DOCK1: variants seen among roughly 807,000 people sequenced by gnomAD.
DOCK1 encodes dedicator of cytokinesis 1.
DOCK1 carries 138 observed loss-of-function variants against 262.7 expected under a neutral mutation model. The ratio of observed to expected loss-of-function variants is 0.53; its 90% CI spans 0.46 to 0.61. The LOEUF is 0.61. Among genes scored for constraint, DOCK1 ranks in the 20% least tolerant of loss-of-function variants. The pLI is 0.00. For missense variants in DOCK1, 1,908 were observed against 2,370.7 expected, an observed-to-expected ratio of 0.80 and a Z score of 4.05; for synonymous variants, 866 against 867.4, an observed-to-expected ratio of 1.00 and a Z score of 0.03.
chr10:126,935,413 C>CTGTAGG (rs1213473213), intron 1 of DOCK1, among the ~76,000 whole-genome samples: 1 of 152,172 alleles, frequency 6.6e-6, no homozygotes, highest in Non-Finnish European at 1.5e-5. Flanking sequence ...GGCTTGCATC[C>CTGTAGG]ATGTAGGAGG....
chr10:127,021,832 G>GAAA (rs370290552), intron 13 of DOCK1, among the ~76,000 whole-genome samples: 1 of 147,680 alleles, frequency 6.8e-6, no homozygotes, highest in East Asian at 2.0e-4. Context: ...CAGTTTAAAA[G>GAAA]AAAAAAAAAA....
intron 4 of DOCK1, among the ~76,000 whole-genome samples, chr10:126,985,584 T>C (rs2890130): frequency 0.059 from 8,960 of 152,138 alleles, 285 homozygotes; most frequent in Middle Eastern, 0.1. Context: ...GCTCCAGGCT[T>C]CTCATAGCCA....
intron 38 of DOCK1, among the ~76,000 whole-genome samples, chr10:127,396,359 CT>C (rs1216371922): frequency 6.6e-6 from 1 of 152,222 alleles, no homozygotes; most frequent in Non-Finnish European, 1.5e-5. Context: ...TGCACTCTCC[CT>C]TTGCAGCACC....
At chr10:127,334,744 T>A (rs1344371241) in intron 29 of DOCK1, among the ~76,000 whole-genome samples, 1 of 152,218 alleles carries the variant, frequency 6.6e-6, no homozygotes, top group Non-Finnish European at 1.5e-5. Flanking sequence ...ACAGCATTCC[T>A]GAAAGCATTT....
intron 16 of DOCK1, among the ~76,000 whole-genome samples, chr10:127,029,277 CA>C: frequency 6.6e-6 from 1 of 152,326 alleles, no homozygotes; most frequent in Non-Finnish European, 1.5e-5. Context: ...CCTCCCCAGC[CA>C]GCCCTGCATG....
chr10:127,140,647 G>GGTTGAGTTTGACACACCGAGTCTCTGA (rs2051148122), intron 27 of DOCK1, among the ~76,000 whole-genome samples: 1 of 150,546 alleles, frequency 6.6e-6, no homozygotes, highest in Non-Finnish European at 1.5e-5. Flanking sequence ...CAAGTCTCTG[G>GGTTGAGTTTGACACACCGAGTCTCTGA]GTTGAGTTTG....
intron 23 of DOCK1, among the ~76,000 whole-genome samples, chr10:127,063,968 A>G (rs1464420605): frequency 6.6e-6 from 1 of 152,190 alleles, no homozygotes; most frequent in African/African-American, 2.4e-5. Context: ...TTGGTATCGT[A>G]TTATTTCACA....
chr10:127,043,499 T>C (rs2044154063), intron 21 of DOCK1, among the ~76,000 whole-genome samples: 1 of 152,252 alleles, frequency 6.6e-6, no homozygotes, highest in Non-Finnish European at 1.5e-5. Flanking sequence ...CTTTGATGAA[T>C]GGATAAATGC....
At chr10:127,161,999 C>T (rs963490126) in intron 27 of DOCK1, among the ~76,000 whole-genome samples, 10 of 152,152 alleles carry the variant, frequency 6.6e-5, no homozygotes, top group African/African-American at 1.9e-4. Context: ...CTGCTCAGGA[C>T]GTTGATGATG....
At chr10:127,182,304 C>T (rs781541987) in intron 27 of DOCK1, among the ~76,000 whole-genome samples, 1 of 152,042 alleles carries the variant, frequency 6.6e-6, no homozygotes, top group Non-Finnish European at 1.5e-5. Flanking sequence ...ACACTCTTAA[C>T]GAACAAAAAA....
chr10:127,357,607 T>C (rs1307026122), intron 32 of DOCK1, among the ~76,000 whole-genome samples: 1 of 152,156 alleles, frequency 6.6e-6, no homozygotes, highest in African/African-American at 2.4e-5. Flanking sequence ...AATATGGTGA[T>C]TAATGCATGA....
chr10:127,415,100 C>G (rs1316655704), intron 43 of DOCK1, 52 bp from the exon 44 acceptor site: 1 of 1,550,066 alleles, frequency 6.5e-7, no homozygotes, highest in East Asian at 2.2e-5. Context: ...CAGAGCTGTC[C>G]ACCTGCTGAC....
chr10:127,147,965 AG>A (rs1321740984), intron 27 of DOCK1, among the ~76,000 whole-genome samples: 1 of 130,308 alleles, frequency 7.7e-6, no homozygotes, highest in Non-Finnish European at 1.6e-5. Flanking sequence ...CAGGAGGAGG[AG>A]GGTGCAGTGA....
At chr10:127,113,198 T>G (rs2048971159) in intron 25 of DOCK1, among the ~76,000 whole-genome samples, 1 of 152,192 alleles carries the variant, frequency 6.6e-6, no homozygotes. Flanking sequence ...CCCAGTGGAA[T>G]CAGTCAAATG....
intron 27 of DOCK1, among the ~76,000 whole-genome samples, chr10:127,200,193 G>C (rs1009377449): frequency 2.6e-5 from 4 of 152,168 alleles, no homozygotes; most frequent in African/African-American, 9.7e-5. Context: ...CACAGGGCGA[G>C]TCCACTGTGC....
intron 44 of DOCK1, 118 bp downstream of exon 44, chr10:127,415,356 C>G (rs1482071861): frequency 3.2e-6 from 3 of 924,176 alleles, no homozygotes; most frequent in East Asian, 2.7e-5. Context: ...ACAGCAGACT[C>G]TACAGTTCCC....
intron 47 of DOCK1, among the ~76,000 whole-genome samples, chr10:127,427,620 C>T (rs1194581395): frequency 6.6e-6 from 1 of 152,166 alleles, no homozygotes; most frequent in African/African-American, 2.4e-5. Flanking sequence ...CAAGCCCTAT[C>T]CATGTACCTC....
chr10:126,957,397 A>G (rs1342548042), intron 1 of DOCK1, among the ~76,000 whole-genome samples: 2 of 152,166 alleles, frequency 1.3e-5, no homozygotes, highest in South Asian at 2.1e-4. Context: ...AACGCCTCCC[A>G]TCAAAGTGGA....
rs2070655909 is a variant in DOCK1 at position 127,447,477 on chromosome 10, G to GGGAAT, written c.5498_5502dup (p.Leu1835GlyfsTer3). ...TCTCAAAGGCAGCGTGGCAGATTAC[G>GGGAAT]GGAATTTGATGGAAAACCAGGACTT... is the stretch of plus-strand genomic sequence containing the variant. On this transcript the variant is annotated frameshift_variant, in exon 51 of 52. Coordinates refer to ENST00000623213, the MANE Select transcript of DOCK1 (RefSeq NM_001290223.2). LOFTEE classifies it high-confidence loss of function. 1 of 1,613,692 alleles carries GGGAAT rather than the reference G, an allele frequency of 6.2e-7. No homozygotes were observed. The highest frequency in any genetic ancestry group is 1.7e-5 in the Admixed American group (1 of 59,994).
Sources: allele counts gnomAD v4.1 joint callset (sites outside exome capture counted in the v4.1 genomes callset), GRCh38; gene constraint gnomAD v4.1.1; transcripts MANE v1.5; gene names NCBI Gene and HGNC (gene_info 2026-07-23, HGNC 2026-07-21).